The following DLG2 variants were observed in gnomAD, a reference collection of about 807,000 sequenced individuals.
DLG2 encodes discs large MAGUK scaffold protein 2, also known as disks large homolog 2.
Under a neutral mutation model 132.5 loss-of-function variants are expected in DLG2, and 45 were observed. The observed-to-expected ratio is 0.34, with a 90% CI of 0.27 to 0.44. The LOEUF (loss-of-function observed/expected upper bound fraction) is 0.44, where lower values mean the gene tolerates loss of function less well. Among genes scored for constraint, DLG2 ranks in the 20% least tolerant of loss-of-function variants. The pLI, the probability that DLG2 is intolerant of heterozygous loss-of-function variation, is 1.00. For synonymous variants in DLG2, 424 were observed against 419.6 expected (o/e 1.01, Z -0.13); for missense variants, 1,045 against 1,196.9 (o/e 0.87, Z 1.87).
At chr11:84,013,994 A>G (rs999507728) in intron 11 of DLG2, among the ~76,000 whole-genome samples, 7 of 151,790 alleles carry the variant, frequency 4.6e-5, no homozygotes, top group Non-Finnish European at 8.8e-5. Flanking sequence ...GCTGCTCTTG[A>G]GTATATCTTC....
chr11:84,685,420 G>A (rs2099737228), intron 6 of DLG2, among the ~76,000 whole-genome samples: 2 of 152,216 alleles, frequency 1.3e-5, no homozygotes, highest in South Asian at 4.1e-4. Context: ...TGGGCAAGAA[G>A]TTCCACTGCC....
chr11:83,975,728 A>C (rs781461704), intron 12 of DLG2, among the ~76,000 whole-genome samples: 1 of 152,004 alleles, frequency 6.6e-6, no homozygotes, highest in Non-Finnish European at 1.5e-5. Context: ...AAACATCCTA[A>C]AAAACTGAGA....
intron 6 of DLG2, among the ~76,000 whole-genome samples, chr11:84,931,763 A>T (rs1047588423): frequency 6.6e-6 from 1 of 152,164 alleles, no homozygotes; most frequent in African/African-American, 2.4e-5. Flanking sequence ...TTTTATCCAC[A>T]ACCTTGCCAG....
chr11:85,311,427 T>A (rs2080305881), intron 3 of DLG2, among the ~76,000 whole-genome samples: 1 of 152,182 alleles, frequency 6.6e-6, no homozygotes, highest in South Asian at 2.1e-4. Flanking sequence ...ACACCTATAG[T>A]AAGTGGTGAA....
chr11:83,600,052 TC>T (rs1394380470), intron 19 of DLG2, among the ~76,000 whole-genome samples: 1 of 152,166 alleles, frequency 6.6e-6, no homozygotes, highest in Non-Finnish European at 1.5e-5. Context: ...ATTGAAACCC[TC>T]CCTAATGTCC....
intron 3 of DLG2, among the ~76,000 whole-genome samples, chr11:85,458,928 G>T (rs59170492): frequency 0.04 from 6,147 of 152,258 alleles, 397 homozygotes; most frequent in African/African-American, 0.14. Flanking sequence ...ATGGCAGAGA[G>T]CCTTTCACTT....
chr11:84,691,429 A>C (rs2058026883), intron 6 of DLG2, among the ~76,000 whole-genome samples: 1 of 151,834 alleles, frequency 6.6e-6, no homozygotes, highest in Non-Finnish European at 1.5e-5. Context: ...GAATATGTTA[A>C]ATAAATGAAA....
chr11:84,355,814 G>A (rs796880183), intron 7 of DLG2, among the ~76,000 whole-genome samples: 25 of 152,224 alleles, frequency 1.6e-4, no homozygotes, highest in African/African-American at 6.0e-4. Context: ...AAGGGTTAGT[G>A]TATCCTGAAG....
At chr11:85,454,588 T>C (rs116411492) in intron 3 of DLG2, among the ~76,000 whole-genome samples, 6,060 of 151,024 alleles carry the variant, frequency 0.04, 360 homozygotes, top group African/African-American at 0.14. Context: ...TTGGCATCAT[T>C]GTCATGAAAT....
At chr11:85,425,275 G>C (rs974449540) in intron 3 of DLG2, among the ~76,000 whole-genome samples, 3 of 152,048 alleles carry the variant, frequency 2.0e-5, no homozygotes, top group African/African-American at 7.2e-5. Context: ...ATGCAACAGA[G>C]ATGAAAAACA....
intron 18 of DLG2, among the ~76,000 whole-genome samples, chr11:83,770,351 A>G (rs2094345527): frequency 6.6e-6 from 1 of 151,030 alleles, no homozygotes. Context: ...TAATTAAAAA[A>G]AAAAAGAAAG....
intron 7 of DLG2, among the ~76,000 whole-genome samples, chr11:84,451,269 T>C (rs949337568): frequency 1.3e-5 from 2 of 151,950 alleles, no homozygotes; most frequent in Admixed American, 6.6e-5. Flanking sequence ...GTTAAATTAA[T>C]GTCTTAGAAA....
At chr11:85,589,108 G>A (rs1194966640) in intron 3 of DLG2, among the ~76,000 whole-genome samples, 1 of 152,180 alleles carries the variant, frequency 6.6e-6, no homozygotes, top group Non-Finnish European at 1.5e-5. Context: ...AGAGTCCTTG[G>A]TTGTAGATAT....
chr11:83,516,303 C>T (rs1344481380), intron 21 of DLG2, among the ~76,000 whole-genome samples: 1 of 152,156 alleles, frequency 6.6e-6, no homozygotes, highest in East Asian at 1.9e-4. Context: ...CTGTTTTGAT[C>T]TTTGTTGGTT....
chr11:85,159,539 T>C (rs1274411157), intron 4 of DLG2, among the ~76,000 whole-genome samples: 1 of 152,238 alleles, frequency 6.6e-6, no homozygotes, highest in African/African-American at 2.4e-5. Context: ...TACATCCCCA[T>C]TCAACTCTCC....
At chr11:85,128,858 A>G (rs1487820532) in intron 5 of DLG2, among the ~76,000 whole-genome samples, 1 of 152,204 alleles carries the variant, frequency 6.6e-6, no homozygotes, top group Non-Finnish European at 1.5e-5. Flanking sequence ...CATTAAAGTT[A>G]TAAATTGTGA....
chr11:83,971,465 G>C (rs759520556), intron 12 of DLG2, among the ~76,000 whole-genome samples: 2 of 152,172 alleles, frequency 1.3e-5, no homozygotes, highest in Non-Finnish European at 2.9e-5. Context: ...ATTCAAATGT[G>C]TGTAAGCAAA....
chr11:83,477,633 T>G lies in DLG2; in HGVS notation c.2294-4856A>C, dbSNP rs181606645. On this transcript the variant is annotated intron_variant, in intron 22 of 27. Transcript: ENST00000376104. Reference sequence around the variant, plus strand: ...GAAACACAAGGGCCTAGGTCTTTGTTTCTAACTCTGAATTATTACAATTAT... The same window carrying G: ...GAAACACAAGGGCCTAGGTCTTTGTGTCTAACTCTGAATTATTACAATTAT... Among the ~76,000 whole-genome samples the G allele has an allele frequency of 1.6e-4, 25 of 152,140 alleles. No homozygotes were observed. The East Asian group carries it at 4.6e-3, about 28-fold the overall frequency.
intron 6 of DLG2, among the ~76,000 whole-genome samples, chr11:84,943,051 T>A (rs2154098339): frequency 6.6e-6 from 1 of 152,246 alleles, no homozygotes; most frequent in Admixed American, 6.5e-5. Flanking sequence ...CTGCTCTTTT[T>A]TGGTTTCCAT....
Sources: gnomAD v4.1 joint callset for allele counts (sites outside exome capture counted in the v4.1 genomes callset) on GRCh38, gnomAD v4.1.1 for gene constraint, MANE v1.5 for transcripts, NCBI Gene and HGNC (gene_info 2026-07-23, HGNC 2026-07-21) for gene names.